LPP: variants seen among roughly 807,000 people sequenced by gnomAD.
LPP encodes the protein LIM domain containing preferred translocation partner in lipoma, also known as lipoma-preferred partner.
A neutral mutation model predicts 60.4 loss-of-function variants in LPP; 38 were observed. That is an observed-to-expected ratio of 0.63 (90% CI 0.49 to 0.83). The LOEUF (loss-of-function observed/expected upper bound fraction) is 0.83. LPP is among the 40% of genes least tolerant of loss of function. The probability of loss-of-function intolerance (pLI) is 0.00; values close to 1 mark genes in which losing one functional copy is unlikely to be tolerated. For synonymous variants in LPP, 328 were observed against 290.8 expected, an observed-to-expected ratio of 1.13 and a Z score of -1.30; for missense variants, 902 against 783.6, an observed-to-expected ratio of 1.15 and a Z score of -1.80.
chr3:188,683,671 G>A (rs1447908804), intron 7 of LPP, among the ~76,000 whole-genome samples: 1 of 152,264 alleles, frequency 6.6e-6, no homozygotes, highest in African/African-American at 2.4e-5. Flanking sequence ...AAGACCCCTT[G>A]TAATTTGTTA....
chr3:188,519,597 G>C (rs963447053), intron 5 of LPP, among the ~76,000 whole-genome samples: 1 of 152,160 alleles, frequency 6.6e-6, no homozygotes, highest in Non-Finnish European at 1.5e-5. Flanking sequence ...AATTTCTCCA[G>C]TGTGAGAATG....
At chr3:188,428,694 A>C (rs961494338) in intron 4 of LPP, among the ~76,000 whole-genome samples, 1 of 151,514 alleles carries the variant, frequency 6.6e-6, no homozygotes, top group African/African-American at 2.4e-5. Context: ...GGTGTTTTTC[A>C]GGCTTATATT....
intron 3 of LPP, among the ~76,000 whole-genome samples, chr3:188,386,646 C>G (rs574458805): frequency 6.6e-6 from 1 of 152,296 alleles, no homozygotes; most frequent in African/African-American, 2.4e-5. Flanking sequence ...CAAGCTGAGA[C>G]TTTTTATATT....
chr3:188,180,452 G>A (rs1476125175), intron 1 of LPP: 1 of 154,370 alleles, frequency 6.5e-6, no homozygotes, highest in Non-Finnish European at 1.5e-5. Context: ...TTCTGTCTGG[G>A]GAATGTTCTG....
chr3:188,715,804 G>A (rs1260825747), intron 8 of LPP, among the ~76,000 whole-genome samples: 1 of 152,136 alleles, frequency 6.6e-6, no homozygotes. Context: ...TGTGACTATG[G>A]CATAATTTTT....
At position 188,182,192 on chromosome 3, in the gene LPP, C is replaced by T. The variant is rs1295607632; in HGVS notation, c.-190+27940C>T. ...GATTGCCTTAGGCTGCAAGTTTATC[C>T]CTTCACAATGCCTACATTTAGATTG... On this transcript the variant is annotated intron_variant, in intron 1 of 11. Transcript: ENST00000617246. The surrounding 1 kb of genome is among the most constrained non-coding windows in gnomAD (Gnocchi z 4.4). Among the ~76,000 whole-genome samples, 1 of 152,138 alleles carries T rather than the reference C, an allele frequency of 6.6e-6. No individual in the cohort carries two copies. Among genetic ancestry groups the T allele is most frequent in the Non-Finnish European group, 1.5e-5 (1 of 68,016 alleles).
chr3:188,219,751 A>G (rs1339354048), intron 1 of LPP, among the ~76,000 whole-genome samples: 1 of 152,116 alleles, frequency 6.6e-6, no homozygotes, highest in African/African-American at 2.4e-5. Flanking sequence ...CTGCTTACAT[A>G]TCTTTAAATC....
intron 9 of LPP, among the ~76,000 whole-genome samples, chr3:188,806,184 C>A (rs985942348): frequency 2.0e-5 from 3 of 151,756 alleles, no homozygotes; most frequent in Non-Finnish European, 4.4e-5. Flanking sequence ...AAACTTTGAG[C>A]ATAATTGTAG....
At chr3:188,434,423 T>C (rs1578864704) in intron 4 of LPP, among the ~76,000 whole-genome samples, 1 of 152,290 alleles carries the variant, frequency 6.6e-6, no homozygotes, top group African/African-American at 2.4e-5. Context: ...ATGACCCTAA[T>C]GAGTTACATT....
chr3:188,735,136 A>G (rs541942021), intron 8 of LPP, among the ~76,000 whole-genome samples: 83 of 151,514 alleles, frequency 5.5e-4, no homozygotes, highest in Middle Eastern at 3.4e-3. Context: ...ATAATACATC[A>G]TTTACTGACC....
At chr3:188,272,214 G>A (rs1248507816) in intron 2 of LPP, among the ~76,000 whole-genome samples, 2 of 152,176 alleles carry the variant, frequency 1.3e-5, no homozygotes, top group African/African-American at 2.4e-5. Flanking sequence ...GGACATGCTA[G>A]TGGACCTTGA....
chr3:188,387,983 G>A (rs566686399), intron 3 of LPP, among the ~76,000 whole-genome samples: 3 of 151,694 alleles, frequency 2.0e-5, no homozygotes, highest in East Asian at 1.9e-4. Context: ...CCCCTATCAT[G>A]CTAGTATTAA....
intron 2 of LPP, among the ~76,000 whole-genome samples, chr3:188,288,975 C>A (rs1420755603): frequency 2.6e-5 from 4 of 151,916 alleles, no homozygotes; most frequent in Non-Finnish European, 5.9e-5. Flanking sequence ...ATTGGGAAAT[C>A]ATTTTTCTTC....
intron 2 of LPP, among the ~76,000 whole-genome samples, chr3:188,324,032 A>ATTGTTG (rs147496303): frequency 0.1 from 15,912 of 152,052 alleles, 1,323 homozygotes; most frequent in East Asian, 0.3. Flanking sequence ...AATGATTGGT[A>ATTGTTG]TTGTTGTTGT....
intron 2 of LPP, among the ~76,000 whole-genome samples, chr3:188,260,646 GGTT>G (rs1560170343): frequency 6.6e-6 from 1 of 152,050 alleles, no homozygotes; most frequent in Non-Finnish European, 1.5e-5. Context: ...CACAATGCTT[GGTT>G]GTTGTTTTTT....
intron 1 of LPP, among the ~76,000 whole-genome samples, chr3:188,198,208 A>G (rs1730079091): frequency 6.6e-6 from 1 of 152,214 alleles, no homozygotes; most frequent in Non-Finnish European, 1.5e-5. Context: ...CAAATGCACA[A>G]GGAGCTTAGA....
At position 188,441,609 on chromosome 3, in the gene LPP, C is replaced by CTTTTTTTTTTTTTTTTTTTTTTTT. The variant is rs1004222826; in HGVS notation, c.193+35302_193+35325dup. Among the ~76,000 whole-genome samples, 38 of 55,666 alleles carry CTTTTTTTTTTTTTTTTTTTTTTTT rather than the reference C, an allele frequency of 6.8e-4. 7 individuals are homozygous for CTTTTTTTTTTTTTTTTTTTTTTTT. The highest frequency in any genetic ancestry group is 9.2e-4 in the Non-Finnish European group (27 of 29,434). The allele number at this position is 55,666 out of a possible 152,430, so 36.5% of individuals were successfully genotyped here. A position where few individuals can be genotyped will look rare whatever the true frequency, so the allele number is the denominator to read the frequency against. On this transcript the variant is annotated intron_variant, in intron 4 of 11. Coordinates refer to ENST00000617246, the MANE Select transcript of LPP (RefSeq NM_001375462.1). ...ACAGTTTCTTTTTTTCTTTTCTTTT[C>CTTTTTTTTTTTTTTTTTTTTTTTT]TTTTTTTTTTTTTTTTTTTTTTTTT...
intron 6 of LPP, among the ~76,000 whole-genome samples, chr3:188,536,067 G>A (rs1823530410): frequency 1.4e-5 from 2 of 143,528 alleles, no homozygotes. Context: ...GGAGTGCAAT[G>A]GCATGATCTC....
At chr3:188,525,070 A>G (rs1820200053) in intron 6 of LPP, among the ~76,000 whole-genome samples, 1 of 150,684 alleles carries the variant, frequency 6.6e-6, no homozygotes, top group East Asian at 2.0e-4. Context: ...GGGTTCAAGC[A>G]ATTCTCCTGC....
Sources: gnomAD v4.1 joint callset for allele counts (sites outside exome capture counted in the v4.1 genomes callset) on GRCh38, gnomAD v4.1.1 for gene constraint, Gnocchi (gnomAD v3.1) non-coding constraint, MANE v1.5 for transcripts, NCBI Gene and HGNC (gene_info 2026-07-23, HGNC 2026-07-21) for gene names.